The following BBOX1 variants were observed in gnomAD, a reference collection of about 807,000 sequenced individuals.
BBOX1 encodes the protein gamma-butyrobetaine hydroxylase 1.
In BBOX1, 35 loss-of-function variants were observed where a neutral mutation model predicts 41.6. That is an observed-to-expected ratio of 0.84 (90% CI 0.64 to 1.11). The LOEUF is 1.11. BBOX1 is among the 50% of genes most tolerant of loss of function. The pLI is 0.00. For synonymous variants in BBOX1, 163 were observed against 154.7 expected (o/e 1.05, Z -0.40); for missense variants, 458 against 460.6 (o/e 0.99, Z 0.05).
At chr11:27,101,733 T>C (rs1858667170) in intron 5 of BBOX1, among the ~76,000 whole-genome samples, 1 of 152,102 alleles carries the variant, frequency 6.6e-6, no homozygotes, top group Non-Finnish European at 1.5e-5. Flanking sequence ...TTTATTGAGG[T>C]ACAAGAGACA....
chr11:27,089,493 C>T (rs1383587553), intron 4 of BBOX1, among the ~76,000 whole-genome samples: 2 of 151,916 alleles, frequency 1.3e-5, no homozygotes, highest in African/African-American at 4.8e-5. Context: ...GTAGACAATA[C>T]CTAATTCCAT....
At chr11:27,117,092 G>A (rs1266704253) in intron 6 of BBOX1, among the ~76,000 whole-genome samples, 1 of 151,940 alleles carries the variant, frequency 6.6e-6, no homozygotes, top group African/African-American at 2.4e-5. Context: ...CCAAAAATAA[G>A]TGGTTAGGAA....
intron 4 of BBOX1, among the ~76,000 whole-genome samples, chr11:27,058,347 C>T (rs180726939): frequency 1.3e-5 from 2 of 152,236 alleles, no homozygotes; most frequent in Admixed American, 1.3e-4. Context: ...TATAAATTAC[C>T]CAGTCTCAGG....
At chr11:27,080,851 A>T (rs1857811173) in intron 4 of BBOX1, among the ~76,000 whole-genome samples, 1 of 152,194 alleles carries the variant, frequency 6.6e-6, no homozygotes, top group African/African-American at 2.4e-5. Flanking sequence ...AAAATCAGTC[A>T]TCCTCATGTG....
At chr11:27,105,710 G>A (rs1159671643) in intron 5 of BBOX1, among the ~76,000 whole-genome samples, 15 of 152,048 alleles carry the variant, frequency 9.9e-5, no homozygotes, top group Non-Finnish European at 1.5e-5. Context: ...AGCAAGGCAG[G>A]CCAACATTCA....
At chr11:27,097,964 C>T (rs577416590) in intron 5 of BBOX1, among the ~76,000 whole-genome samples, 1 of 152,168 alleles carries the variant, frequency 6.6e-6, no homozygotes, top group African/African-American at 2.4e-5. Flanking sequence ...ATTTCTATGA[C>T]ATGCCATTCT....
At chr11:27,044,203 A>T (rs1851426869) in intron 2 of BBOX1, among the ~76,000 whole-genome samples, 1 of 152,128 alleles carries the variant, frequency 6.6e-6, no homozygotes. Flanking sequence ...AGTGACGATG[A>T]GCTTTTCTTC....
chr11:27,109,963 T>G (rs922967382), intron 5 of BBOX1, among the ~76,000 whole-genome samples: 1 of 152,020 alleles, frequency 6.6e-6, no homozygotes, highest in Non-Finnish European at 1.5e-5. Flanking sequence ...TTAAATTAGG[T>G]GAAGCAAACT....
intron 4 of BBOX1, among the ~76,000 whole-genome samples, chr11:27,065,651 C>G (rs767837534): frequency 6.6e-6 from 1 of 152,234 alleles, no homozygotes; most frequent in South Asian, 2.1e-4. Context: ...CTTTCCTTTT[C>G]TAAACTCCAT....
intron 5 of BBOX1, among the ~76,000 whole-genome samples, chr11:27,111,721 T>C (rs1859070774): frequency 1.3e-5 from 2 of 151,922 alleles, no homozygotes; most frequent in African/African-American, 2.4e-5. Flanking sequence ...TTTGGAATGA[T>C]AGGAAACAAA....
At chr11:27,071,613 C>T (rs1857453818) in intron 4 of BBOX1, among the ~76,000 whole-genome samples, 1 of 151,012 alleles carries the variant, frequency 6.6e-6, no homozygotes, top group Non-Finnish European at 1.5e-5. Flanking sequence ...GTGGCACCAA[C>T]AAAAAAAAGA....
At chr11:27,048,106 T>C (rs12223912) in intron 2 of BBOX1, among the ~76,000 whole-genome samples, 20,580 of 152,130 alleles carry the variant, frequency 0.14, 1,813 homozygotes, top group South Asian at 0.33. Context: ...TATCATTGTA[T>C]GTTGGGGGGG....
At chr11:27,054,544 C>T (rs559162588) in intron 2 of BBOX1, among the ~76,000 whole-genome samples, 51 of 152,234 alleles carry the variant, frequency 3.4e-4, no homozygotes, top group Admixed American at 2.4e-3. Context: ...CATAATACCA[C>T]GGTGTCTCTG....
chr11:27,065,118 A>C (rs35203991), intron 4 of BBOX1, among the ~76,000 whole-genome samples: 17,799 of 152,150 alleles, frequency 0.12, 1,412 homozygotes, highest in East Asian at 0.27. Context: ...ATATCTCTCA[A>C]AGACAGCTTA....
intron 8 of BBOX1, among the ~76,000 whole-genome samples, chr11:27,126,429 A>AAATACAAAG (rs1354983268): frequency 6.6e-6 from 1 of 152,220 alleles, no homozygotes; most frequent in East Asian, 1.9e-4. Context: ...AAAATACAAA[A>AAATACAAAG]AATACAAGTT....
chr11:27,110,361 A>G (rs974219579), intron 5 of BBOX1, among the ~76,000 whole-genome samples: 3 of 151,948 alleles, frequency 2.0e-5, no homozygotes, highest in Non-Finnish European at 4.4e-5. Context: ...TCACATGTAA[A>G]GCAAAATCTC....
chr11:27,118,164 A>G (rs1859332841), intron 6 of BBOX1, among the ~76,000 whole-genome samples: 1 of 152,040 alleles, frequency 6.6e-6, no homozygotes, highest in African/African-American at 2.4e-5. Context: ...GAGACATCAT[A>G]GATACACTAT....
rs568238457 is a variant in BBOX1, at chr11:27,115,645, C to T, written c.639+88C>T. The stretch of plus-strand genomic sequence containing the variant: ...GAGTCTAGAAGATTACACATTTCAC[C>T]AGGTAGTTTGTCTTTTATAAATTTT... On this transcript the variant is annotated intron_variant, in intron 6 of 8. Coordinates refer to ENST00000263182, the MANE Select transcript of BBOX1 (RefSeq NM_003986.3). The T allele has an allele frequency of 1.2e-4, 133 of 1,149,428 alleles. 1 individual carries two copies. The East Asian group carries it at 3.5e-3, about 30-fold the overall frequency. 71.2% of individuals were successfully genotyped at this position (1,149,428 alleles called of 1,614,324 possible). A position where few individuals can be genotyped will look rare whatever the true frequency, so the allele number is the denominator to read the frequency against.
chr11:27,105,589 T>C (rs1858836789), intron 5 of BBOX1, among the ~76,000 whole-genome samples: 1 of 152,156 alleles, frequency 6.6e-6, no homozygotes, highest in South Asian at 2.1e-4. Context: ...AGTATGGGAC[T>C]ATGTGAAAAG....
Sources: allele counts gnomAD v4.1 joint callset (sites outside exome capture counted in the v4.1 genomes callset), GRCh38; gene constraint gnomAD v4.1.1; transcripts MANE v1.5; gene names NCBI Gene and HGNC (gene_info 2026-07-23, HGNC 2026-07-21).